The following G2E3 variants were observed in gnomAD, a reference collection of about 807,000 sequenced individuals.
G2E3 encodes G2/M-phase specific E3 ubiquitin protein ligase.
A neutral mutation model predicts 92.8 loss-of-function variants in G2E3; 35 were observed. That is an observed-to-expected ratio of 0.38 (90% CI 0.29 to 0.50). G2E3 has a LOEUF of 0.50. Among genes scored for constraint, G2E3 ranks in the 20% least tolerant of loss-of-function variants. The pLI is 0.94. For missense variants in G2E3, 554 were observed against 823.8 expected (o/e 0.67, Z 4.01); for synonymous variants, 242 against 272.4 (o/e 0.89, Z 1.10).
intron 1 of G2E3, among the ~76,000 whole-genome samples, chr14:30,571,030 C>T (rs908760395): frequency 2.0e-5 from 3 of 152,068 alleles, no homozygotes; most frequent in African/African-American, 7.2e-5. Flanking sequence ...TCTAAGAAAT[C>T]TTACGTAACA....
At chr14:30,588,078 T>A (rs1199813802) in intron 3 of G2E3, among the ~76,000 whole-genome samples, 1 of 152,172 alleles carries the variant, frequency 6.6e-6, no homozygotes. Flanking sequence ...TTAAATAGAG[T>A]AGTAGACTGG....
chr14:30,562,352 C>T (rs755375447), intron 1 of G2E3, among the ~76,000 whole-genome samples: 5 of 151,996 alleles, frequency 3.3e-5, no homozygotes, highest in Non-Finnish European at 7.4e-5. Context: ...TAATAATCCT[C>T]GCTCTACAAT....
At position 30,596,015 on chromosome 14, in the gene G2E3, A is replaced by G. The variant is rs1881263834; in HGVS notation, c.529-1405A>G. Among the ~76,000 whole-genome samples, 11 of 148,870 alleles carry G rather than the reference A, an allele frequency of 7.4e-5. No individual in the cohort carries two copies. In the Admixed American group the frequency reaches 7.6e-4, roughly 10 times the overall value. ...TACCAGATACTTCCTTTTATCGTAT[A>G]CCATATTTAGTTAAAGATCTTGGCA... On this transcript the variant is annotated intron_variant, in intron 6 of 14. Transcript: ENST00000206595.
rs1342486800 is a variant in G2E3, at chr14:30,619,802, G to C, written c.*3268G>C. On this transcript the variant is annotated 3_prime_UTR_variant, in exon 15 of 15. Coordinates refer to ENST00000206595, the MANE Select transcript of G2E3 (RefSeq NM_017769.5). Reference sequence around the variant, plus strand: ...CAAAAAGCGTGACATTTATAACAATGTTTTATAAATAAATAAATGTGTTTA... The same window carrying C: ...CAAAAAGCGTGACATTTATAACAATCTTTTATAAATAAATAAATGTGTTTA... 6.6e-6 allele frequency: 1 copy of C among 152,018 alleles called. No homozygotes were observed. The allele number at this position is 152,018 out of a possible 1,614,324, so 9.4% of individuals were successfully genotyped here.
chr14:30,608,362 C>G (rs1881930026), intron 12 of G2E3, among the ~76,000 whole-genome samples: 1 of 152,136 alleles, frequency 6.6e-6, no homozygotes, highest in Non-Finnish European at 1.5e-5. Context: ...GATTTGCCTG[C>G]CTTGCTAGAG....
At chr14:30,604,733 T>A (rs906030167) in intron 10 of G2E3, among the ~76,000 whole-genome samples, 1 of 152,196 alleles carries the variant, frequency 6.6e-6, no homozygotes, top group Non-Finnish European at 1.5e-5. Context: ...TATTGTGTAA[T>A]CTCTCAAAGA....
intron 6 of G2E3, among the ~76,000 whole-genome samples, chr14:30,593,900 A>G (rs1204403235): frequency 6.6e-6 from 1 of 152,156 alleles, no homozygotes; most frequent in Non-Finnish European, 1.5e-5. Flanking sequence ...GTTTTTACCT[A>G]AGGATTTTGT....
intron 10 of G2E3, among the ~76,000 whole-genome samples, 198 bp downstream of exon 10, chr14:30,602,329 AC>A (rs1421167581): frequency 6.6e-6 from 1 of 152,138 alleles, no homozygotes; most frequent in African/African-American, 2.4e-5. Context: ...AGAATAGAAT[AC>A]AAAATACCAA....
chr14:30,566,194 G>T (rs781755874), intron 1 of G2E3, among the ~76,000 whole-genome samples: 7 of 152,118 alleles, frequency 4.6e-5, no homozygotes, highest in Non-Finnish European at 8.8e-5. Flanking sequence ...TGGAAAATTT[G>T]AATCCTCCAA....
rs1881582191 is a variant in G2E3 at position 30,601,839 on chromosome 14, G to T, written c.822G>T (p.Arg274=). The T allele has an allele frequency of 6.2e-7, 1 of 1,613,012 alleles. No homozygotes were observed. The highest frequency in any genetic ancestry group is 1.3e-5 in the African/African-American group (1 of 74,876). ...CACATTTAGCCTGCTCCTCATTACG[G>T]TCATGGGAGCAAAATTGGGAGTGTT... ...SGTHLACSSL[R]SWEQNWECLE... is the part of the protein sequence containing the mutation. Residue 274 remains arginine, a synonymous_variant, in exon 9 of 15, where the codon CGG becomes CGT. Coordinates refer to ENST00000206595, the MANE Select transcript of G2E3 (RefSeq NM_017769.5).
chr14:30,587,730 G>A (rs908687999), intron 3 of G2E3, among the ~76,000 whole-genome samples: 26 of 151,898 alleles, frequency 1.7e-4, no homozygotes, highest in Non-Finnish European at 5.9e-5. Context: ...GGGCCTCTTA[G>A]TAAATAAGGC....
intron 1 of G2E3, among the ~76,000 whole-genome samples, chr14:30,571,559 GT>G (rs1380512907): frequency 6.6e-5 from 10 of 151,842 alleles, no homozygotes; most frequent in South Asian, 2.1e-4. Context: ...TCTTCTAGAA[GT>G]TTTTTTTCTT....
At chr14:30,569,765 A>C (rs779637523) in intron 1 of G2E3, among the ~76,000 whole-genome samples, 1 of 152,134 alleles carries the variant, frequency 6.6e-6, no homozygotes, top group African/African-American at 2.4e-5. Context: ...ATTACTTACT[A>C]TCTGATAATC....
intron 14 of G2E3, among the ~76,000 whole-genome samples, chr14:30,616,037 T>G (rs1392733004): frequency 6.6e-6 from 1 of 152,184 alleles, no homozygotes; most frequent in Non-Finnish European, 1.5e-5. Flanking sequence ...TGTCTGTATT[T>G]GTTATATACA....
In G2E3 at chr14:30,616,695, T is replaced by C; in HGVS notation, c.*161T>C. 1 of 542,864 alleles carries C rather than the reference T, an allele frequency of 1.8e-6. No homozygotes were observed. Among genetic ancestry groups the C allele is most frequent in the Non-Finnish European group, 3.1e-6 (1 of 320,892 alleles). The allele number at this position is 542,864 out of a possible 1,614,324, so 33.6% of individuals were successfully genotyped here. On this transcript the variant is annotated 3_prime_UTR_variant, in exon 15 of 15. Transcript: ENST00000206595. ...AAAGGAATATTATAGCCACTTAGGC[T>C]AAAAAAAGGTTTTTTTTGTTAAAGC...
chr14:30,578,679 G>T (rs1490605005), intron 1 of G2E3, among the ~76,000 whole-genome samples: 1 of 152,166 alleles, frequency 6.6e-6, no homozygotes, highest in East Asian at 1.9e-4. Context: ...TTTAAGTGAA[G>T]TACTATTTAT....
intron 2 of G2E3, among the ~76,000 whole-genome samples, chr14:30,582,493 T>C (rs1396514625): frequency 6.6e-6 from 1 of 152,208 alleles, no homozygotes; most frequent in Admixed American, 6.5e-5. Flanking sequence ...ATACAGCAGA[T>C]GTACCTCCAT....
At chr14:30,579,765 T>G (rs796507974) in intron 1 of G2E3, among the ~76,000 whole-genome samples, 8 of 152,358 alleles carry the variant, frequency 5.3e-5, no homozygotes, top group African/African-American at 1.9e-4. Flanking sequence ...TGGACAGGTG[T>G]TTAACCTTTC....
In G2E3 at chr14:30,618,265, T is replaced by C. The variant is rs561892425; in HGVS notation, c.*1731T>C. On this transcript the variant is annotated 3_prime_UTR_variant, in exon 15 of 15. Coordinates refer to ENST00000206595, the MANE Select transcript of G2E3 (RefSeq NM_017769.5). ...TTGAATTTTTTTGTCTCACCAATAG[T>C]AATTGAAAGATCAATTATCAAAGAG... 1 of 152,268 alleles carries C rather than the reference T, an allele frequency of 6.6e-6. No homozygotes were observed. Among genetic ancestry groups the C allele is most frequent in the South Asian group, 2.1e-4 (1 of 4,832 alleles). The allele number at this position is 152,268 out of a possible 1,614,324, so 9.4% of individuals were successfully genotyped here.
Sources: gnomAD v4.1 joint callset for allele counts (sites outside exome capture counted in the v4.1 genomes callset) on GRCh38, gnomAD v4.1.1 for gene constraint, MANE v1.5 for transcripts, NCBI Gene and HGNC (gene_info 2026-07-23, HGNC 2026-07-21) for gene names.